GAPVD1: variants seen among roughly 807,000 people sequenced by gnomAD.
GAPVD1 encodes GTPase activating protein and VPS9 domains 1.
Under a neutral mutation model 155.5 loss-of-function variants are expected in GAPVD1, and 35 were observed. The observed-to-expected ratio is 0.23, with a 90% confidence interval of 0.17 to 0.30. The LOEUF is 0.30. Ranked by LOEUF, GAPVD1 falls within the 10% of genes least tolerant of loss-of-function variation. The pLI, the probability that GAPVD1 is intolerant of heterozygous loss-of-function variation, is 1.00. For synonymous variants in GAPVD1, 636 were observed against 619.7 expected, an observed-to-expected ratio of 1.03 and a Z score of -0.39; for missense variants, 1,429 against 1,775.7, an observed-to-expected ratio of 0.80 and a Z score of 3.51.
chr9:125,302,483 C>T lies in GAPVD1; in HGVS notation c.686C>T (p.Ser229Phe), dbSNP rs1841054904. 1.2e-6 allele frequency: 2 copies of T among 1,613,698 alleles called. No homozygotes were observed. Among genetic ancestry groups the T allele is most frequent in the Non-Finnish European group, 1.7e-6 (2 of 1,179,916 alleles). ...AAGCTAATTGAGAGGTTCTCTCCAT[C>T]TCAGCAGGAAAAACTCTTTGGAGAG... Reference protein sequence around the residue: ...PNKLIERFSPSQQEKLFGEKG... With the variant: ...PNKLIERFSPFQQEKLFGEKG... The change falls in exon 5 of 28, where the codon TCT becomes TTT. Residue 229 changes from serine (S) to phenylalanine (F), a missense_variant. This residue lies in a region of GAPVD1 where 628 missense variants were observed against 733.4 expected (regional missense o/e 0.86). Coordinates refer to ENST00000297933, the MANE Select transcript of GAPVD1 (RefSeq NM_001282680.3).
At chr9:125,303,707 CAG>C (rs1278079816) in intron 5 of GAPVD1, among the ~76,000 whole-genome samples, 1 of 147,376 alleles carries the variant, frequency 6.8e-6, no homozygotes, top group Non-Finnish European at 1.5e-5. Context: ...ACCCGGGAGA[CAG>C]AGGTTGCGAT....
At chr9:125,345,613 T>C (rs1426006502) in intron 19 of GAPVD1, among the ~76,000 whole-genome samples, 2 of 152,234 alleles carry the variant, frequency 1.3e-5, no homozygotes, top group Admixed American at 1.3e-4. Context: ...ACCATGTGTT[T>C]GTTTCATGAG....
In GAPVD1 at chr9:125,272,065, C is replaced by T. The variant is rs570690312; in HGVS notation, c.-150+3081C>T. Among the ~76,000 whole-genome samples the T allele has an allele frequency of 3.0e-4, 46 of 152,086 alleles. 1 individual carries two copies. In the South Asian group the frequency reaches 5.8e-3, roughly 19 times the overall value. ...TTGAGATGGAGTTTCACTCTGTCTC[C>T]CAGGCTGAAGTGCAGTGGCATGATC... On this transcript the variant is annotated intron_variant, in intron 2 of 27. Coordinates refer to ENST00000297933, the MANE Select transcript of GAPVD1 (RefSeq NM_001282680.3).
At chr9:125,360,082 G>A (rs1383507744) in intron 26 of GAPVD1, among the ~76,000 whole-genome samples, 2 of 152,106 alleles carry the variant, frequency 1.3e-5, no homozygotes, top group African/African-American at 4.8e-5. Flanking sequence ...TGCAACAATG[G>A]TACATATTTT....
intron 19 of GAPVD1, among the ~76,000 whole-genome samples, chr9:125,343,151 C>T (rs1848055190): frequency 6.6e-6 from 1 of 151,782 alleles, no homozygotes. Flanking sequence ...CAGCCCAACA[C>T]AAGTTCATAA....
intron 15 of GAPVD1, among the ~76,000 whole-genome samples, chr9:125,334,953 A>G (rs1846666539): frequency 6.6e-6 from 1 of 152,210 alleles, no homozygotes; most frequent in African/African-American, 2.4e-5. Context: ...TCTGTTGTTT[A>G]AAGACTTTTC....
rs530730305 is a variant in GAPVD1, at chr9:125,278,167, A to G, written c.-150+9183A>G. Among the ~76,000 whole-genome samples, 28 of 152,366 alleles carry G rather than the reference A, an allele frequency of 1.8e-4. No homozygotes were observed. The South Asian group carries it at 5.8e-3, about 32-fold the overall frequency. On this transcript the variant is annotated intron_variant, in intron 2 of 27. Transcript: ENST00000297933. Reference sequence around the variant, plus strand: ...ATGATATTTGTAAAAAATATTTGCAAGAGACACTCATCTATTGTATGGATT... The same window carrying G: ...ATGATATTTGTAAAAAATATTTGCAGGAGACACTCATCTATTGTATGGATT...
At chr9:125,305,409 C>T (rs532241805) in intron 6 of GAPVD1, among the ~76,000 whole-genome samples, 49 of 147,292 alleles carry the variant, frequency 3.3e-4, no homozygotes, top group African/African-American at 8.1e-4. Flanking sequence ...AGTCTCGCTC[C>T]GTCGCCCAGG....
chr9:125,311,029 C>T (rs146470886), intron 8 of GAPVD1, among the ~76,000 whole-genome samples: 2,069 of 148,082 alleles, frequency 0.014, 103 homozygotes, highest in East Asian at 0.09. Flanking sequence ...TTAGTAGAGA[C>T]GGGGTTTCAC....
At chr9:125,282,563 A>C (rs1836963399) in intron 2 of GAPVD1, among the ~76,000 whole-genome samples, 1 of 152,186 alleles carries the variant, frequency 6.6e-6, no homozygotes, top group Non-Finnish European at 1.5e-5. Flanking sequence ...TTTGATGAAA[A>C]GGTCATTTTG....
intron 10 of GAPVD1, among the ~76,000 whole-genome samples, chr9:125,322,343 C>T (rs540000664): frequency 1.3e-5 from 2 of 152,226 alleles, no homozygotes; most frequent in South Asian, 2.1e-4. Context: ...GGATTACAGG[C>T]GTGAGCCACC....
At chr9:125,318,983 C>G (rs573083102) in intron 9 of GAPVD1, among the ~76,000 whole-genome samples, 1 of 152,136 alleles carries the variant, frequency 6.6e-6, no homozygotes, top group East Asian at 1.9e-4. Flanking sequence ...TGAGACCAGC[C>G]TGGCCAACAT....
At chr9:125,314,630 G>A (rs754307448) in intron 9 of GAPVD1, among the ~76,000 whole-genome samples, 28 of 151,584 alleles carry the variant, frequency 1.8e-4, no homozygotes, top group Non-Finnish European at 3.5e-4. Context: ...CTCCAGCCTG[G>A]GCAACAAGAG....
In GAPVD1 at chr9:125,332,635, A is replaced by G. The variant is rs1564414891; in HGVS notation, c.2428+6A>G. 2.5e-6 allele frequency: 4 copies of G among 1,605,858 alleles called. No individual in the cohort carries two copies. The highest frequency in any genetic ancestry group is 2.2e-5 in the East Asian group (1 of 44,820). The stretch of plus-strand genomic sequence containing the variant: ...CATGGATGAAATAACTCACGGTAAG[A>G]GGGGGAAATGAGGATGACTTAAAAA... On this transcript the variant is annotated splice_donor_region_variant and intron_variant, in intron 15 of 27. Transcript: ENST00000297933.
intron 1 of GAPVD1, among the ~76,000 whole-genome samples, chr9:125,267,181 T>G (rs1232437291): frequency 2.6e-5 from 4 of 152,186 alleles, no homozygotes; most frequent in African/African-American, 9.6e-5. Flanking sequence ...GCTGTTAACA[T>G]TTTGCCATGT....
At chr9:125,359,824 A>G (rs1424065010) in intron 26 of GAPVD1, 2 of 233,112 alleles carry the variant, frequency 8.6e-6, no homozygotes, top group African/African-American at 2.3e-5. Context: ...GGCTGATAGC[A>G]CTCCAAAGAG....
In GAPVD1 at chr9:125,302,434, G is replaced by A; in HGVS notation, c.637G>A (p.Asp213Asn). 1 of 1,613,678 alleles carries A rather than the reference G, an allele frequency of 6.2e-7. No individual in the cohort carries two copies. The highest frequency in any genetic ancestry group is 8.5e-7 in the Non-Finnish European group (1 of 1,179,850). ...PIMQLLVEDE[D>N]HLETDPNKLI... ...TATGCAACTGCTTGTTGAAGATGAA[G>A]ATCACCTGGAAACAGATCCAAACAA... The change falls in exon 5 of 28, where the codon GAT (aspartate) becomes AAT (asparagine). Residue 213 changes from aspartate to asparagine, a missense_variant. Physicochemically the swap from Asp to Asn is conservative, Grantham distance 23. This residue lies in a region of GAPVD1 where 628 missense variants were observed against 733.4 expected (regional missense o/e 0.86). Transcript: ENST00000297933.
At chr9:125,318,302 C>T (rs1285611730) in intron 9 of GAPVD1, among the ~76,000 whole-genome samples, 1 of 152,168 alleles carries the variant, frequency 6.6e-6, no homozygotes. Context: ...TTTTTTAGCA[C>T]TCAGATTCTG....
Position 125,337,428 on chromosome 9 carries a change from T to C in GAPVD1, c.2714T>C (p.Ile905Thr), listed in dbSNP as rs201016420. 149 of 1,614,042 alleles carry C rather than the reference T, an allele frequency of 9.2e-5. No individual in the cohort carries two copies. The Admixed American group carries it at 1.1e-3, about 12-fold the overall frequency. The change falls in exon 17 of 28, where the codon ATA (isoleucine) becomes ACA (threonine). Residue 905 changes from isoleucine to threonine, a missense_variant. By Grantham distance (89) the Ile-to-Thr change is moderately conservative (BLOSUM62 -1). Around this residue, in one of 4 missense-constraint regions of GAPVD1, gnomAD observed 699 missense variants for 826.0 expected, o/e 0.85. Transcript: ENST00000297933. ...ERLVRSRSSD[I>T]VSSVRRPMSD... ...CTAGTTCGAAGCAGGAGCTCTGATA[T>C]AGTATCTTCTGTCCGGAGACCCATG...
Sources: gnomAD v4.1 joint callset for allele counts (sites outside exome capture counted in the v4.1 genomes callset) on GRCh38, gnomAD v4.1.1 for gene constraint, gnomAD v4.1.1 regional missense constraint, MANE v1.5 for transcripts, NCBI Gene and HGNC (gene_info 2026-07-23, HGNC 2026-07-21) for gene names.